The following HOATZ variants were observed in gnomAD, a reference collection of about 807,000 sequenced individuals.
HOATZ encodes the protein cilia- and flagella-associated protein HOATZ.
A neutral mutation model predicts 24.9 loss-of-function variants in HOATZ; 26 were observed. The observed-to-expected ratio is 1.04, with a 90% CI of 0.76 to 1.45. HOATZ has a LOEUF of 1.45. HOATZ is among the 40% of genes most tolerant of loss of function. HOATZ has a pLI of 0.00. For synonymous variants in HOATZ, 83 were observed against 76.6 expected (o/e 1.08, Z -0.43); for missense variants, 226 against 201.5 (o/e 1.12, Z -0.74).
At chr11:111,520,610 C>T (rs1294970265) in intron 3 of HOATZ, among the ~76,000 whole-genome samples, 1 of 152,184 alleles carries the variant, frequency 6.6e-6, no homozygotes, top group Non-Finnish European at 1.5e-5. Context: ...TTACAGTAGT[C>T]CTCCTTCCAT....
At position 111,522,319 on chromosome 11, in the gene HOATZ, C is replaced by G. The variant is rs9651666; in HGVS notation, c.339+6209C>G. On this transcript the variant is annotated intron_variant, in intron 3 of 5. Transcript: ENST00000375618. ...TCAATTTGGTTCCAGTTACATGAAT[C>G]CTTATTGTTCAAATTAGTAAACACT... is the stretch of plus-strand genomic sequence containing the variant. Among the ~76,000 whole-genome samples the G allele has an allele frequency of 2.9e-3, 438 of 152,248 alleles. 2 individuals carry two copies. The highest frequency in any genetic ancestry group is 0.01 in the African/African-American group (425 of 41,548).
chr11:111,528,175 G>A (rs972276318), intron 3 of HOATZ, among the ~76,000 whole-genome samples: 9 of 133,398 alleles, frequency 6.7e-5, no homozygotes, highest in South Asian at 5.1e-4. Flanking sequence ...AAAAAAAATC[G>A]TTTTTTAATT....
In HOATZ at chr11:111,522,172, A is replaced by G. The variant is rs373884501; in HGVS notation, c.339+6062A>G. On this transcript the variant is annotated intron_variant, in intron 3 of 5. Coordinates refer to ENST00000375618, the MANE Select transcript of HOATZ (RefSeq NM_001100388.2). ...AAAACACTTTAAACGCTGAGATAAT[A>G]TTGGGCAAGGATCCACATTCATTAT... Among the ~76,000 whole-genome samples the G allele has an allele frequency of 2.0e-5, 3 of 152,246 alleles. No individual in the cohort carries two copies. In the East Asian group the frequency reaches 5.8e-4, roughly 29 times the overall value.
In HOATZ at chr11:111,514,839, T is replaced by C. The variant is rs761468084; in HGVS notation, c.55T>C (p.Cys19Arg). The change falls in exon 1 of 6, where the codon TGC becomes CGC. Residue 19 changes from cysteine to arginine, a missense_variant. Transcript: ENST00000375618. ...PSGRKESQEM[C>R]PPGLLVFAGS... ...CGGCCGAAAAGAGTCCCAGGAAATGTGCCCCCCGGGATTACTGGTATTTGC... is the reference window on the plus strand; with the variant it reads ...CGGCCGAAAAGAGTCCCAGGAAATGCGCCCCCCGGGATTACTGGTATTTGC... The C allele has an allele frequency of 6.2e-7, 1 of 1,614,060 alleles. No individual in the cohort carries two copies. Among genetic ancestry groups the C allele is most frequent in the Non-Finnish European group, 8.5e-7 (1 of 1,180,008 alleles).
intron 3 of HOATZ, 81 bp downstream of exon 3, chr11:111,516,191 A>G: frequency 1.2e-6 from 1 of 822,216 alleles, no homozygotes; most frequent in South Asian, 1.9e-5. Flanking sequence ...TGTATATTTA[A>G]AAATCTGCTA....
Position 111,516,041 on chromosome 11 carries a change from A to G in HOATZ, c.270A>G (p.Lys90=). 1 of 1,570,198 alleles carries G rather than the reference A, an allele frequency of 6.4e-7. No individual in the cohort carries two copies. The highest frequency in any genetic ancestry group is 8.7e-7 in the Non-Finnish European group (1 of 1,151,686). The change falls in exon 3 of 6, where the codon AAA becomes AAG. Residue 90 remains lysine, a splice_region_variant and synonymous_variant. Coordinates refer to ENST00000375618, the MANE Select transcript of HOATZ (RefSeq NM_001100388.2). Reference sequence around the variant, plus strand: ...TGAATTTGACTTTATTCCCTCTAGAAAATAGAGACATCTTTGCCGAAGCCC... The same window carrying G: ...TGAATTTGACTTTATTCCCTCTAGAGAATAGAGACATCTTTGCCGAAGCCC... ...SSQSFHLASN[K]NRDIFAEALK... is the part of the protein sequence containing the mutation.
intron 3 of HOATZ, among the ~76,000 whole-genome samples, chr11:111,523,983 T>C (rs1360939013): frequency 6.6e-6 from 1 of 152,194 alleles, no homozygotes; most frequent in Admixed American, 6.5e-5. Context: ...GCTTCCAAGT[T>C]TCTTAAGGTG....
intron 5 of HOATZ, chr11:111,535,276 T>C (rs1867438774): frequency 6.6e-6 from 1 of 152,144 alleles, no homozygotes. Context: ...CACCTAGCTA[T>C]ATTATCTACA....
intron 5 of HOATZ, 46 bp downstream of exon 5, chr11:111,534,510 T>TGTGTAG: frequency 7.2e-7 from 1 of 1,397,578 alleles, no homozygotes; most frequent in Non-Finnish European, 1.0e-6. Context: ...TTCAACTTAC[T>TGTGTAG]GTGTAGGGAA....
chr11:111,536,762 A>G lies in HOATZ; in HGVS notation c.453-8A>G, dbSNP rs764167140. 6.2e-7 allele frequency: 1 copy of G among 1,610,602 alleles called. No homozygotes were observed. On this transcript the variant is annotated splice_region_variant and splice_polypyrimidine_tract_variant and intron_variant, in intron 5 of 5. Coordinates refer to ENST00000375618, the MANE Select transcript of HOATZ (RefSeq NM_001100388.2). The stretch of plus-strand genomic sequence containing the variant: ...TGTATTGGAACTGACTGATATTACT[A>G]CCAACAGGAAAGTGGTATCAGAGTC...
At chr11:111,525,165 A>G (rs965043955) in intron 3 of HOATZ, among the ~76,000 whole-genome samples, 18 of 152,086 alleles carry the variant, frequency 1.2e-4, no homozygotes, top group Admixed American at 1.2e-3. Context: ...GCCACCACAC[A>G]GGACAGGAAA....
intron 1 of HOATZ, 85 bp from the exon 2 acceptor site, chr11:111,515,426 A>C: frequency 9.2e-7 from 1 of 1,090,702 alleles, no homozygotes; most frequent in Non-Finnish European, 1.4e-6. Flanking sequence ...ACTGTTATGC[A>C]ATTGTTATAG....
Position 111,515,568 on chromosome 11 carries a change from T to C in HOATZ, c.268+16T>C. 6.2e-7 allele frequency: 1 copy of C among 1,606,646 alleles called. No individual in the cohort carries two copies. Among genetic ancestry groups the C allele is most frequent in the Non-Finnish European group, 8.5e-7 (1 of 1,173,286 alleles). On this transcript the variant is annotated intron_variant, in intron 2 of 5. Transcript: ENST00000375618. ...GCGAGTAACAGTAAGTACCAAGTTTTATGCCTTTCAACATTCTGACTCCTA... is the reference window on the plus strand; with the variant it reads ...GCGAGTAACAGTAAGTACCAAGTTTCATGCCTTTCAACATTCTGACTCCTA...
intron 4 of HOATZ, among the ~76,000 whole-genome samples, 154 bp from the exon 5 acceptor site, chr11:111,534,258 C>T (rs578192382): frequency 6.6e-6 from 1 of 152,300 alleles, no homozygotes; most frequent in South Asian, 2.1e-4. Flanking sequence ...TAATGTGCAA[C>T]ATTTCTGACC....
intron 5 of HOATZ, chr11:111,536,132 T>C (rs1331216099): frequency 6.6e-6 from 1 of 152,292 alleles, no homozygotes; most frequent in Non-Finnish European, 1.5e-5. Context: ...AGTGCCAGCA[T>C]ACTGCTTACA....
intron 3 of HOATZ, among the ~76,000 whole-genome samples, chr11:111,524,407 A>G (rs911006488): frequency 1.3e-5 from 2 of 152,242 alleles, no homozygotes; most frequent in Non-Finnish European, 2.9e-5. Flanking sequence ...GTTTAACAGC[A>G]TGTAAGAGAA....
Position 111,515,566 on chromosome 11 carries a change from T to C in HOATZ, c.268+14T>C. On this transcript the variant is annotated intron_variant, in intron 2 of 5. Transcript: ENST00000375618. Reference sequence around the variant, plus strand: ...TTGCGAGTAACAGTAAGTACCAAGTTTTATGCCTTTCAACATTCTGACTCC... The same window carrying C: ...TTGCGAGTAACAGTAAGTACCAAGTCTTATGCCTTTCAACATTCTGACTCC... 6.2e-7 allele frequency: 1 copy of C among 1,607,702 alleles called. No individual in the cohort carries two copies. Among genetic ancestry groups the C allele is most frequent in the Non-Finnish European group, 8.5e-7 (1 of 1,174,282 alleles).
intron 5 of HOATZ, chr11:111,535,644 T>C (rs1867442578): frequency 6.6e-6 from 1 of 152,144 alleles, no homozygotes; most frequent in Non-Finnish European, 1.5e-5. Context: ...TTCCTACTAT[T>C]AACTTCTTCT....
intron 3 of HOATZ, among the ~76,000 whole-genome samples, chr11:111,529,096 C>T (rs58244034): frequency 1.3e-5 from 2 of 152,204 alleles, no homozygotes; most frequent in Admixed American, 6.5e-5. Flanking sequence ...GGCCTGATAT[C>T]TAGCAGTTAC....
Sources: gnomAD v4.1 joint callset for allele counts (sites outside exome capture counted in the v4.1 genomes callset) on GRCh38, gnomAD v4.1.1 for gene constraint, MANE v1.5 for transcripts, NCBI Gene and HGNC (gene_info 2026-07-23, HGNC 2026-07-21) for gene names.